Variants in CYRIA observed in about 807,000 individuals in gnomAD.
CYRIA encodes CYFIP-related Rac1 interactor A.
In CYRIA, 15 loss-of-function variants were observed where a neutral mutation model predicts 43.9. The observed-to-expected ratio is 0.34, with a 90% CI of 0.23 to 0.53. CYRIA has a LOEUF of 0.53. Among genes scored for constraint, CYRIA ranks in the 20% least tolerant of loss-of-function variants. CYRIA has a pLI of 0.94. For synonymous variants in CYRIA, 117 were observed against 136.0 expected (o/e 0.86, Z 0.97); for missense variants, 236 against 394.2 (o/e 0.60, Z 3.40).
At chr2:16,575,790 A>T (rs1667319802) in intron 3 of CYRIA, among the ~76,000 whole-genome samples, 1 of 151,998 alleles carries the variant, frequency 6.6e-6, no homozygotes. Flanking sequence ...CAGGAGGCGG[A>T]GCTTGCAGTG....
At chr2:16,625,264 C>T (rs886848301) in intron 1 of CYRIA, among the ~76,000 whole-genome samples, 3 of 151,988 alleles carry the variant, frequency 2.0e-5, no homozygotes, top group African/African-American at 7.3e-5. Flanking sequence ...GGTTCTGGCT[C>T]TCAGCAGCAG....
chr2:16,614,509 T>G (rs1668713987), intron 2 of CYRIA, among the ~76,000 whole-genome samples: 1 of 152,198 alleles, frequency 6.6e-6, no homozygotes, highest in East Asian at 1.9e-4. Flanking sequence ...GGCCACACAG[T>G]CCTCTACATT....
At chr2:16,581,087 T>G (rs1667533769) in intron 3 of CYRIA, among the ~76,000 whole-genome samples, 1 of 152,134 alleles carries the variant, frequency 6.6e-6, no homozygotes, top group Admixed American at 6.5e-5. Context: ...GCATAAAATT[T>G]AAAAATTATA....
intron 1 of CYRIA, among the ~76,000 whole-genome samples, chr2:16,631,396 G>A (rs894497073): frequency 6.6e-6 from 1 of 152,214 alleles, no homozygotes; most frequent in African/African-American, 2.4e-5. Flanking sequence ...GAGATACAGT[G>A]AGTAGATGAG....
At chr2:16,627,974 G>A (rs1462850742) in intron 1 of CYRIA, among the ~76,000 whole-genome samples, 1 of 152,190 alleles carries the variant, frequency 6.6e-6, no homozygotes, top group East Asian at 1.9e-4. Flanking sequence ...GCAGCTGGGC[G>A]GGCAGGCAGG....
At chr2:16,628,348 C>A (rs1669227332) in intron 1 of CYRIA, among the ~76,000 whole-genome samples, 1 of 152,204 alleles carries the variant, frequency 6.6e-6, no homozygotes, top group Non-Finnish European at 1.5e-5. Context: ...GAGAAAGGAT[C>A]TGAACCACCA....
intron 1 of CYRIA, among the ~76,000 whole-genome samples, chr2:16,635,199 T>C (rs1245111000): frequency 6.6e-6 from 1 of 152,170 alleles, no homozygotes; most frequent in African/African-American, 2.4e-5. Flanking sequence ...CTGCCAAGCA[T>C]CCTATCACGC....
chr2:16,586,788 G>A (rs1438478725), intron 3 of CYRIA, among the ~76,000 whole-genome samples: 2 of 152,006 alleles, frequency 1.3e-5, no homozygotes, highest in East Asian at 1.9e-4. Context: ...ATTTTTAATG[G>A]CGATAAAATA....
Position 16,562,119 on chromosome 2 carries a change from C to T in CYRIA, c.321G>A (p.Leu107=). 2 of 1,611,514 alleles carry T rather than the reference C, an allele frequency of 1.2e-6. No homozygotes were observed. Among genetic ancestry groups the T allele is most frequent in the Non-Finnish European group, 1.7e-6 (2 of 1,178,574 alleles). The change falls in exon 6 of 12, where the codon TTG becomes TTA. Residue 107 remains leucine (L), a synonymous_variant. Coordinates refer to ENST00000381323, the MANE Select transcript of CYRIA (RefSeq NM_030797.4). ...TGTAGGGTGGACAAGTCAGAGATTC[C>T]AATAAACTCTGAAGAGCTTTTTCTG... ...IRLEKALQSL[L]ESLTCPPYTP...
At chr2:16,558,501 C>T (rs1465602502) in intron 10 of CYRIA, among the ~76,000 whole-genome samples, 1 of 152,106 alleles carries the variant, frequency 6.6e-6, no homozygotes, top group Non-Finnish European at 1.5e-5. Context: ...AAGTAAGTTA[C>T]TACCAAGAGA....
chr2:16,651,603 T>C, intron 1 of CYRIA, among the ~76,000 whole-genome samples: 1 of 152,156 alleles, frequency 6.6e-6, no homozygotes, highest in East Asian at 1.9e-4. Flanking sequence ...TATACAGAGC[T>C]TTCAACTTGT....
chr2:16,655,486 C>T (rs985379432), intron 1 of CYRIA, among the ~76,000 whole-genome samples: 4 of 152,210 alleles, frequency 2.6e-5, no homozygotes, highest in Non-Finnish European at 2.9e-5. Flanking sequence ...TCTTCCTGAT[C>T]CTCCGCAGTT....
At chr2:16,561,930 G>GCAC in intron 6 of CYRIA, 75 bp downstream of exon 6, 1 of 1,429,720 alleles carries the variant, frequency 7.0e-7, no homozygotes, top group Non-Finnish European at 9.6e-7. Context: ...CCACCCCACA[G>GCAC]CACTAACAGA....
chr2:16,613,360 G>C (rs980440376), intron 2 of CYRIA, among the ~76,000 whole-genome samples: 1 of 152,276 alleles, frequency 6.6e-6, no homozygotes, highest in South Asian at 2.1e-4. Flanking sequence ...AGAGGACCCT[G>C]ACACTGAAAT....
chr2:16,558,397 T>C (rs1466468122), intron 10 of CYRIA, among the ~76,000 whole-genome samples: 1 of 152,192 alleles, frequency 6.6e-6, no homozygotes, highest in Admixed American at 6.5e-5. Flanking sequence ...CCTGGGCATG[T>C]AGACTTTCTC....
intron 1 of CYRIA, among the ~76,000 whole-genome samples, chr2:16,655,783 T>A (rs2103553346): frequency 6.6e-6 from 1 of 152,334 alleles, no homozygotes; most frequent in African/African-American, 2.4e-5. Context: ...TCTTTTTTTT[T>A]TAAACCTGAA....
intron 1 of CYRIA, among the ~76,000 whole-genome samples, chr2:16,637,651 C>T (rs1306143627): frequency 6.6e-6 from 1 of 152,174 alleles, no homozygotes; most frequent in Non-Finnish European, 1.5e-5. Flanking sequence ...ATAATTTTGC[C>T]ACATATTATT....
At chr2:16,637,464 C>T (rs1669533750) in intron 1 of CYRIA, among the ~76,000 whole-genome samples, 1 of 152,160 alleles carries the variant, frequency 6.6e-6, no homozygotes. Flanking sequence ...AAACAGCCAT[C>T]TGCAAGCCAG....
chr2:16,585,415 G>A (rs1346374483), intron 3 of CYRIA, among the ~76,000 whole-genome samples: 1 of 152,038 alleles, frequency 6.6e-6, no homozygotes, highest in Non-Finnish European at 1.5e-5. Flanking sequence ...GTCATTTCCT[G>A]TGTGACTTCA....
Sources: gnomAD v4.1 joint callset for allele counts (sites outside exome capture counted in the v4.1 genomes callset) on GRCh38, gnomAD v4.1.1 for gene constraint, MANE v1.5 for transcripts, NCBI Gene and HGNC (gene_info 2026-07-23, HGNC 2026-07-21) for gene names.